AANAT: variants seen among roughly 807,000 people sequenced by gnomAD.
The protein encoded by AANAT is aralkylamine N-acetyltransferase.
Under a neutral mutation model 15.6 loss-of-function variants are expected in AANAT, and 11 were observed. The ratio of observed to expected loss-of-function variants is 0.71; its 90% CI spans 0.44 to 1.17. The LOEUF is 1.17. Ranked by LOEUF, AANAT falls within the 50% of genes most tolerant of loss-of-function variation. The pLI is 0.00. For missense variants in AANAT, 286 were observed against 296.3 expected (o/e 0.97, Z 0.26); for synonymous variants, 139 against 131.5 (o/e 1.06, Z -0.39).
At chr17:76,460,019 G>A (rs1403853280) in intron 2 of AANAT, among the ~76,000 whole-genome samples, 2 of 151,596 alleles carry the variant, frequency 1.3e-5, no homozygotes, top group Non-Finnish European at 2.9e-5. Flanking sequence ...GTCCACCCAA[G>A]AAGGTGCATG....
chr17:76,455,930 T>C (rs536764890), intron 1 of AANAT, among the ~76,000 whole-genome samples: 1 of 152,262 alleles, frequency 6.6e-6, no homozygotes, highest in Admixed American at 6.5e-5. Flanking sequence ...GGAGAATCGC[T>C]TGAACCCGGG....
Position 76,469,395 on chromosome 17 carries a change from G to C in AANAT, c.318+68G>C, listed in dbSNP as rs1038743904. ...AAGACAGAGGTCAGCCAGATGGCGG[G>C]GAGGGGAGCCCAGGGGCTGGGATTT... On this transcript the variant is annotated intron_variant, in intron 3 of 3. Coordinates refer to ENST00000392492, the MANE Select transcript of AANAT (RefSeq NM_001088.3). The surrounding 1 kb of genome is among the most constrained non-coding windows in gnomAD (Gnocchi z 5.2). 1 of 1,592,600 alleles carries C rather than the reference G, an allele frequency of 6.3e-7. No individual in the cohort carries two copies. Among genetic ancestry groups the C allele is most frequent in the Non-Finnish European group, 8.6e-7 (1 of 1,168,416 alleles).
Position 76,468,608 on chromosome 17 carries a change from T to C in AANAT, c.-75-64T>C, listed in dbSNP as rs1170066109. On this transcript the variant is annotated intron_variant, in intron 1 of 3. Transcript: ENST00000392492. ...CCTGCTACAAAAGAGGCCAGATACA[T>C]ACTCTGGGGCCTGCCTCCCTGGAGA... 3.5e-6 allele frequency: 5 copies of C among 1,412,842 alleles called. No homozygotes were observed. The East Asian group carries it at 7.5e-5, about 21-fold the overall frequency. The allele number at this position is 1,412,842 out of a possible 1,614,324, so 87.5% of individuals were successfully genotyped here.
Position 76,469,013 on chromosome 17 carries a change from T to C in AANAT, c.163+104T>C. On this transcript the variant is annotated intron_variant, in intron 2 of 3. Transcript: ENST00000392492. This position sits in a 1 kb window ranked among gnomAD's most constrained non-coding sequence, Gnocchi z 5.2. Reference sequence around the variant, plus strand: ...TGTCCTTGGAGGCTGGGTCCCAGAGTATCAGACCATGTGTGCGCTCAAGAA... The same window carrying C: ...TGTCCTTGGAGGCTGGGTCCCAGAGCATCAGACCATGTGTGCGCTCAAGAA... 6.7e-7 allele frequency: 1 copy of C among 1,486,462 alleles called. No homozygotes were observed. Among genetic ancestry groups the C allele is most frequent in the Non-Finnish European group, 9.2e-7 (1 of 1,088,846 alleles). The allele number at this position is 1,486,462 out of a possible 1,614,324, so 92.1% of individuals were successfully genotyped here. A position where few individuals can be genotyped will look rare whatever the true frequency, so the allele number is the denominator to read the frequency against.
rs61096280 is a variant in AANAT, at chr17:76,457,145, C to T, written c.-575-2102C>T. Among the ~76,000 whole-genome samples the T allele has an allele frequency of 8.2e-3, 1,252 of 152,218 alleles. 19 individuals are homozygous for T. Among genetic ancestry groups the T allele is most frequent in the African/African-American group, 0.027 (1,126 of 41,536 alleles). On this transcript the variant is annotated intron_variant, in intron 1 of 6. Transcript: ENST00000250615. ...GCAACCTCCGTCTCCCAGGTTCCAG[C>T]GATTCTCCTGCCTCAGCCTCCTGAG... is the stretch of plus-strand genomic sequence containing the variant.
At chr17:76,463,956 C>G (rs2073413691), upstream of AANAT, among the ~76,000 whole-genome samples, 1 of 152,182 alleles carries the variant, frequency 6.6e-6, no homozygotes, top group Non-Finnish European at 1.5e-5. Flanking sequence ...AGAGGTGAGG[C>G]TCTACCAGGG....
chr17:76,464,580 G>A (rs962954999), upstream of AANAT, among the ~76,000 whole-genome samples: 2 of 152,134 alleles, frequency 1.3e-5, no homozygotes, highest in African/African-American at 2.4e-5. Context: ...GCAGGGAGTC[G>A]CGGTGGGTGA....
rs2073509931 is a variant in AANAT at position 76,470,078 on chromosome 17, GC to G, written c.*109del. 1.3e-5 allele frequency: 16 copies of G among 1,232,324 alleles called. No homozygotes were observed. Among genetic ancestry groups the G allele is most frequent in the Non-Finnish European group, 1.6e-5 (15 of 924,154 alleles). The allele number at this position is 1,232,324 out of a possible 1,614,324, so 76.3% of individuals were successfully genotyped here. On this transcript the variant is annotated 3_prime_UTR_variant, in exon 4 of 4. Coordinates refer to ENST00000392492, the MANE Select transcript of AANAT (RefSeq NM_001088.3). ...GTTTCCAGAGAGTGGAGAGAGCAGG[GC>G]TAAATAAAGAGGAGATAAGGTGGCT...
chr17:76,460,872 G>A (rs144801527), intron 2 of AANAT, among the ~76,000 whole-genome samples: 2 of 152,062 alleles, frequency 1.3e-5, no homozygotes, highest in Non-Finnish European at 2.9e-5. Flanking sequence ...CCACCTCAAC[G>A]GAAGACTCTG....
At position 76,460,130 on chromosome 17, in the gene AANAT, A is replaced by ATTTTTTTTTT. The variant is rs556197358; in HGVS notation, c.-456+791_-456+800dup. 2.1e-3 allele frequency among the ~76,000 whole-genome samples: 187 copies of ATTTTTTTTTT among 87,982 alleles called. 21 individuals are homozygous for ATTTTTTTTTT. Among genetic ancestry groups the ATTTTTTTTTT allele is most frequent in the East Asian group, 8.4e-3 (19 of 2,270 alleles). The allele number at this position is 87,982 out of a possible 152,430, so 57.7% of individuals were successfully genotyped here. On this transcript the variant is annotated intron_variant, in intron 2 of 6. Coordinates refer to the AANAT transcript ENST00000250615. ...CAGCCTCAGTCACCTACTTCAGGAAATTTTTTTTTTTTTTTTTTTTTTTTT... is the reference window on the plus strand; with the variant it reads ...CAGCCTCAGTCACCTACTTCAGGAAATTTTTTTTTTTTTTTTTTTTTTTTTTTTTTTTTTT...
upstream of AANAT, among the ~76,000 whole-genome samples, chr17:76,467,059 AG>A (rs1427136822): frequency 6.6e-6 from 1 of 152,098 alleles, no homozygotes; most frequent in Non-Finnish European, 1.5e-5. Context: ...CAGAGCCAAC[AG>A]GGAGAGGGGC....
upstream of AANAT, among the ~76,000 whole-genome samples, chr17:76,467,160 T>C (rs1295755267): frequency 2.6e-5 from 4 of 152,128 alleles, no homozygotes; most frequent in Non-Finnish European, 5.9e-5. Context: ...GAGAGCTTTG[T>C]AGTTGAGATG....
chr17:76,464,219 G>T (rs12947009), upstream of AANAT, among the ~76,000 whole-genome samples: 4,743 of 152,142 alleles, frequency 0.031, 120 homozygotes, highest in Non-Finnish European at 0.045. Context: ...GTGTGCGCCC[G>T]TAATCCCAGC....
upstream of AANAT, chr17:76,466,063 C>T (rs771638625): frequency 1.9e-4 from 182 of 957,620 alleles, 1 homozygote; most frequent in South Asian, 6.1e-4. Flanking sequence ...GGGTGTTGTC[C>T]GGAAAGAACA....
At chr17:76,462,659 A>T (rs2073400054), upstream of AANAT, among the ~76,000 whole-genome samples, 1 of 152,144 alleles carries the variant, frequency 6.6e-6, no homozygotes, top group South Asian at 2.1e-4. Context: ...TCCATCTCTC[A>T]TCCCCCGGGG....
chr17:76,469,154 C>G lies in AANAT; in HGVS notation c.164-19C>G, dbSNP rs1460050929. ...AGGCACAGCGACTACCAGTCACCCA[C>G]CTGAGCCTCCTGCCACAGCCTTCAT... On this transcript the variant is annotated intron_variant, in intron 2 of 3. Coordinates refer to ENST00000392492, the MANE Select transcript of AANAT (RefSeq NM_001088.3). The surrounding 1 kb of genome is among the most constrained non-coding windows in gnomAD (Gnocchi z 5.2). 2 of 1,613,692 alleles carry G rather than the reference C, an allele frequency of 1.2e-6. No homozygotes were observed. The highest frequency in any genetic ancestry group is 4.5e-5 in the East Asian group (2 of 44,878).
At chr17:76,463,813 C>T (rs2073411952), upstream of AANAT, among the ~76,000 whole-genome samples, 1 of 152,170 alleles carries the variant, frequency 6.6e-6, no homozygotes, top group Non-Finnish European at 1.5e-5. Flanking sequence ...AAGCTTGGTT[C>T]TCAGCTTTCG....
Position 76,469,790 on chromosome 17 carries a change from C to A in AANAT, c.444C>A (p.Gly148=). Residue 148 remains glycine, a synonymous_variant, in exon 4 of 4, where the codon GGC becomes GGA. Transcript: ENST00000392492. The surrounding 1 kb of genome is among the most constrained non-coding windows in gnomAD (Gnocchi z 5.2). ...ILLWRYLHHL[G]SQPAVRRAAL... is the part of the protein sequence containing the mutation. ...TGTGGCGCTACCTGCACCACCTGGGCAGCCAGCCGGCCGTGCGCCGGGCCG... is the reference window on the plus strand; with the variant it reads ...TGTGGCGCTACCTGCACCACCTGGGAAGCCAGCCGGCCGTGCGCCGGGCCG... 1 of 1,595,382 alleles carries A rather than the reference C, an allele frequency of 6.3e-7. No individual in the cohort carries two copies. Among genetic ancestry groups the A allele is most frequent in the South Asian group, 1.1e-5 (1 of 88,346 alleles).
Position 76,469,682 on chromosome 17 carries a change from C to T in AANAT, c.336C>T (p.His112=), listed in dbSNP as rs151180491. 2.1e-5 allele frequency: 31 copies of T among 1,502,882 alleles called. No individual in the cohort carries two copies. Among genetic ancestry groups the T allele is most frequent in the Non-Finnish European group, 2.8e-5 (31 of 1,126,154 alleles). 93.1% of individuals were successfully genotyped at this position (1,502,882 alleles called of 1,614,324 possible). Residue 112 remains histidine (H), a synonymous_variant, in exon 4 of 4, where the codon CAC becomes CAT. Transcript: ENST00000392492. The surrounding 1 kb of genome is among the most constrained non-coding windows in gnomAD (Gnocchi z 5.2). ...ERLMQESLTL[H]RSGGHIAHLH... Reference sequence around the variant, plus strand: ...GCTCCCAGGAGTCACTGACGCTGCACAGGTCTGGGGGCCACATAGCCCACC... The same window carrying T: ...GCTCCCAGGAGTCACTGACGCTGCATAGGTCTGGGGGCCACATAGCCCACC...
Sources: gnomAD v4.1 joint callset for allele counts (sites outside exome capture counted in the v4.1 genomes callset) on GRCh38, gnomAD v4.1.1 for gene constraint, Gnocchi (gnomAD v3.1) non-coding constraint, MANE v1.5 for transcripts, NCBI Gene and HGNC (gene_info 2026-07-23, HGNC 2026-07-21) for gene names.